The following ABCG8 variants were observed in gnomAD, a reference collection of about 807,000 sequenced individuals.
ABCG8 encodes ATP-binding cassette sub-family G member 8.
Under a neutral mutation model 71.3 loss-of-function variants are expected in ABCG8, and 81 were observed. The ratio of observed to expected loss-of-function variants is 1.14; its 90% CI spans 0.95 to 1.37. The LOEUF (loss-of-function observed/expected upper bound fraction) is 1.37, where lower values mean the gene tolerates loss of function less well. Among genes scored for constraint, ABCG8 ranks in the 40% most tolerant of loss-of-function variants. ABCG8 has a pLI of 0.00. For synonymous variants in ABCG8, 451 were observed against 354.7 expected, an observed-to-expected ratio of 1.27 and a Z score of -3.05; for missense variants, 1,119 against 866.2, an observed-to-expected ratio of 1.29 and a Z score of -3.66.
rs375219268 is a variant in ABCG8 at position 43,851,800 on chromosome 2, C to G, written c.539C>G (p.Ser180Cys). The change falls in exon 4 of 13, where the codon TCC (serine) becomes TGC (cysteine). Residue 180 changes from serine (S) to cysteine (C), a missense_variant. Physicochemically the swap from Ser to Cys is moderately radical, Grantham distance 112. Coordinates refer to ENST00000272286, the MANE Select transcript of ABCG8 (RefSeq NM_022437.3). ...IAQMRLPRTF[S>C]QAQRDKRVED... ...CAGATGCGGCTGCCCAGAACCTTCTCCCAGGCCCAGCGTGACAAAAGGGTA... is the reference window on the plus strand; with the variant it reads ...CAGATGCGGCTGCCCAGAACCTTCTGCCAGGCCCAGCGTGACAAAAGGGTA... 1 of 1,614,088 alleles carries G rather than the reference C, an allele frequency of 6.2e-7. No individual in the cohort carries two copies. The highest frequency in any genetic ancestry group is 1.3e-5 in the African/African-American group (1 of 74,934).
intron 11 of ABCG8, among the ~76,000 whole-genome samples, 200 bp downstream of exon 11, chr2:43,875,613 C>A (rs1440417646): frequency 6.6e-6 from 1 of 152,228 alleles, no homozygotes; most frequent in African/African-American, 2.4e-5. Flanking sequence ...TCCTCCTATC[C>A]CACAGCTGAT....
chr2:43,852,378 C>T lies in ABCG8; in HGVS notation c.586C>T (p.Arg196Trp), dbSNP rs200433692. The change falls in exon 5 of 13, where the codon CGG becomes TGG. Residue 196 changes from arginine to tryptophan, a missense_variant. Arg to Trp is a moderately radical substitution (Grantham distance 101, BLOSUM62 -3). Coordinates refer to ENST00000272286, the MANE Select transcript of ABCG8 (RefSeq NM_022437.3). ...KRVEDVIAEL[R>W]LRQCADTRVG... The stretch of plus-strand genomic sequence containing the variant: ...GGTGGAGGACGTGATCGCGGAGCTG[C>T]GGCTTAGGCAGTGCGCTGACACCCG... 92 of 1,612,244 alleles carry T rather than the reference C, an allele frequency of 5.7e-5. No individual in the cohort carries two copies. In the Middle Eastern group the frequency reaches 6.7e-4, roughly 12 times the overall value.
At chr2:43,867,633 C>G (rs958327745) in intron 6 of ABCG8, among the ~76,000 whole-genome samples, 2 of 152,142 alleles carry the variant, frequency 1.3e-5, no homozygotes, top group African/African-American at 4.8e-5. Context: ...ATAGAACTCT[C>G]ACTGTCTGGA....
In ABCG8 at chr2:43,880,856, C is replaced by G. The variant is rs1648302865; in HGVS notation, c.*2943C>G. The G allele has an allele frequency of 6.6e-6, 1 of 151,968 alleles. No individual in the cohort carries two copies. The highest frequency in any genetic ancestry group is 2.4e-5 in the African/African-American group (1 of 41,354). The allele number at this position is 151,968 out of a possible 1,614,324, so 9.4% of individuals were successfully genotyped here. On this transcript the variant is annotated 3_prime_UTR_variant, in exon 13 of 13. Coordinates refer to ENST00000272286, the MANE Select transcript of ABCG8 (RefSeq NM_022437.3). ...TTAACCGCCTGCAGGTAAGTAATCT[C>G]CCATCTACACTGCCACGCCTTCTCC...
rs553497006 is a variant in ABCG8 at position 43,858,750 on chromosome 2, A to G, written c.964+5882A>G. ...TCTGGGTAGAACTCTCACTATCTGG[A>G]TAGAATTCTCACTCTGGATAGAACT... On this transcript the variant is annotated intron_variant, in intron 6 of 12. Coordinates refer to ENST00000272286, the MANE Select transcript of ABCG8 (RefSeq NM_022437.3). Among the ~76,000 whole-genome samples the G allele has an allele frequency of 8.3e-3, 1,249 of 150,388 alleles. 9 individuals carry two copies. The highest frequency in any genetic ancestry group is 0.013 in the Non-Finnish European group (893 of 67,202).
intron 1 of ABCG8, among the ~76,000 whole-genome samples, chr2:43,841,298 A>G (rs142064790): frequency 2.7e-4 from 41 of 152,340 alleles, no homozygotes; most frequent in African/African-American, 9.9e-4. Context: ...GAGAAATTAC[A>G]ATGTAGCCCA....
chr2:43,857,998 C>A (rs1669172329), intron 6 of ABCG8, among the ~76,000 whole-genome samples: 1 of 150,640 alleles, frequency 6.6e-6, no homozygotes, highest in African/African-American at 2.4e-5. Flanking sequence ...CTATAGAATT[C>A]TCACTCTCTA....
At chr2:43,860,698 G>C (rs879720928) in intron 6 of ABCG8, among the ~76,000 whole-genome samples, 11 of 151,196 alleles carry the variant, frequency 7.3e-5, no homozygotes, top group South Asian at 6.3e-4. Flanking sequence ...AATCTCTCTG[G>C]ATAGAATTCT....
At position 43,871,903 on chromosome 2, in the gene ABCG8, T is replaced by G; in HGVS notation, c.965-73T>G. On this transcript the variant is annotated intron_variant, in intron 6 of 12. Coordinates refer to ENST00000272286, the MANE Select transcript of ABCG8 (RefSeq NM_022437.3). ...GGTGATCAGCATTGTGAGCTGGGCG[T>G]GCACCAAGCTCTTCACCTGTGAGCA... The G allele has an allele frequency of 1.9e-6, 3 of 1,592,344 alleles. No homozygotes were observed. In the Middle Eastern group the frequency reaches 6.0e-4, roughly 317 times the overall value.
chr2:43,846,432 G>C (rs1668745823), intron 3 of ABCG8, 121 bp downstream of exon 3: 2 of 1,420,474 alleles, frequency 1.4e-6, no homozygotes, highest in African/African-American at 2.8e-5. Flanking sequence ...CAGCAGAATG[G>C]CTGAGAACAC....
chr2:43,850,572 C>A (rs942893418), intron 3 of ABCG8, among the ~76,000 whole-genome samples: 1 of 151,970 alleles, frequency 6.6e-6, no homozygotes, highest in African/African-American at 2.4e-5. Flanking sequence ...AGCTTTGTAC[C>A]CAAGTGTTTT....
intron 6 of ABCG8, among the ~76,000 whole-genome samples, chr2:43,863,335 C>T (rs768704196): frequency 1.3e-5 from 2 of 151,266 alleles, no homozygotes; most frequent in Non-Finnish European, 3.0e-5. Flanking sequence ...ATAGAATTCT[C>T]ACTATCTGGA....
chr2:43,854,605 C>T (rs1171202084), intron 6 of ABCG8, among the ~76,000 whole-genome samples: 12 of 120,368 alleles, frequency 1.0e-4, no homozygotes, highest in South Asian at 5.5e-4. Context: ...CCAGTCTGGG[C>T]GATAGAGTGA....
At chr2:43,867,820 T>C (rs1047291383) in intron 6 of ABCG8, among the ~76,000 whole-genome samples, 4 of 152,042 alleles carry the variant, frequency 2.6e-5, no homozygotes, top group African/African-American at 9.7e-5. Context: ...GATAGAATTC[T>C]CACTCTCTAG....
chr2:43,865,899 C>A (rs528231517), intron 6 of ABCG8, among the ~76,000 whole-genome samples: 3 of 152,082 alleles, frequency 2.0e-5, no homozygotes, highest in Non-Finnish European at 4.4e-5. Context: ...ATAGAATGCT[C>A]ACTCTGTGGA....
chr2:43,873,312 C>G (rs576737470), intron 8 of ABCG8, among the ~76,000 whole-genome samples: 82 of 152,036 alleles, frequency 5.4e-4, no homozygotes, highest in African/African-American at 1.9e-3. Flanking sequence ...CCTCAGCCTC[C>G]CAAGTAGCTG....
Position 43,878,371 on chromosome 2 carries a change from C to G in ABCG8, c.*458C>G. On this transcript the variant is annotated 3_prime_UTR_variant, in exon 13 of 13. Transcript: ENST00000272286. ...GAGCCACCATCAATACAGAAAGTGA[C>G]CTAAGATGTACCAGCAAGATGCCAT... The G allele has an allele frequency of 3.9e-6, 1 of 257,686 alleles. No individual in the cohort carries two copies. Among genetic ancestry groups the G allele is most frequent in the Non-Finnish European group, 7.7e-6 (1 of 129,538 alleles). The allele number at this position is 257,686 out of a possible 1,614,324, so 16.0% of individuals were successfully genotyped here.
intron 6 of ABCG8, among the ~76,000 whole-genome samples, chr2:43,869,947 C>T (rs1468824954): frequency 1.3e-5 from 2 of 152,020 alleles, no homozygotes; most frequent in Admixed American, 1.3e-4. Flanking sequence ...TTCTCACTGT[C>T]GATCACGTTG....
At chr2:43,851,141 C>T (rs1435654381) in intron 3 of ABCG8, among the ~76,000 whole-genome samples, 2 of 152,186 alleles carry the variant, frequency 1.3e-5, no homozygotes, top group African/African-American at 4.8e-5. Flanking sequence ...GCTTCTGAGC[C>T]AACCGACATT....
Sources: allele counts gnomAD v4.1 joint callset (sites outside exome capture counted in the v4.1 genomes callset), GRCh38; gene constraint gnomAD v4.1.1; transcripts MANE v1.5; gene names NCBI Gene and HGNC (gene_info 2026-07-23, HGNC 2026-07-21).